ANKRD17: variants seen among roughly 807,000 people sequenced by gnomAD.
The protein encoded by ANKRD17 is ankyrin repeat domain 17.
Under a neutral mutation model 229.7 loss-of-function variants are expected in ANKRD17, and 19 were observed. The ratio of observed to expected loss-of-function variants is 0.08; its 90% CI spans 0.06 to 0.12. ANKRD17 has a LOEUF of 0.12. ANKRD17 is among the 10% of genes least tolerant of loss of function. The probability of loss-of-function intolerance (pLI) is 1.00; values close to 1 mark genes in which losing one functional copy is unlikely to be tolerated. For synonymous variants in ANKRD17, 1,112 were observed against 1,146.1 expected (o/e 0.97, Z 0.60); for missense variants, 2,176 against 3,176.8 (o/e 0.68, Z 7.57).
rs572791363 is a variant in ANKRD17, at chr4:73,246,798, A to C, written c.393+11478T>G. Among the ~76,000 whole-genome samples, 61 of 152,272 alleles carry C rather than the reference A, an allele frequency of 4.0e-4. 1 individual carries two copies. The highest frequency in any genetic ancestry group is 1.3e-3 in the African/African-American group (55 of 41,574). ...GAGGAAGAGAGGATTACATTTTAAG[A>C]AGCAAGAATCAGTCAACTGCTATAA... On this transcript the variant is annotated intron_variant, in intron 1 of 33. Transcript: ENST00000358602.
chr4:73,230,325 T>A (rs1742921679), intron 1 of ANKRD17, among the ~76,000 whole-genome samples: 1 of 151,360 alleles, frequency 6.6e-6, no homozygotes, highest in Non-Finnish European at 1.5e-5. Context: ...AATTAAAGAT[T>A]TTTTTTTTGC....
rs117416719 is a variant in ANKRD17, at chr4:73,206,299, G to A, written c.394-28766C>T. Among the ~76,000 whole-genome samples, 27 of 151,858 alleles carry A rather than the reference G, an allele frequency of 1.8e-4. No individual in the cohort carries two copies. In the East Asian group the frequency reaches 4.3e-3, roughly 24 times the overall value. Reference sequence around the variant, plus strand: ...TATCTGCACTCCCACCCATGTTCACGGCACCATTGTTCACAACCACCAAGA... The same window carrying A: ...TATCTGCACTCCCACCCATGTTCACAGCACCATTGTTCACAACCACCAAGA... On this transcript the variant is annotated intron_variant, in intron 1 of 33. Coordinates refer to ENST00000358602, the MANE Select transcript of ANKRD17 (RefSeq NM_032217.5).
chr4:73,220,798 G>C (rs1741747232), intron 1 of ANKRD17, among the ~76,000 whole-genome samples: 1 of 152,138 alleles, frequency 6.6e-6, no homozygotes, highest in Non-Finnish European at 1.5e-5. Context: ...TTACGGTAAT[G>C]AACTTCAAGT....
intron 19 of ANKRD17, 50 bp downstream of exon 19, chr4:73,121,567 T>C: frequency 6.2e-7 from 1 of 1,605,554 alleles, no homozygotes; most frequent in Non-Finnish European, 8.5e-7. Context: ...TACAAATATC[T>C]ATAACAGTCT....
chr4:73,229,368 C>T (rs1019031904), intron 1 of ANKRD17, among the ~76,000 whole-genome samples: 1 of 152,074 alleles, frequency 6.6e-6, no homozygotes, highest in Non-Finnish European at 1.5e-5. Context: ...AGTGAGACTG[C>T]CTGCTTCCCT....
intron 33 of ANKRD17, 101 bp from the exon 34 acceptor site, chr4:73,076,391 T>C: frequency 1.2e-6 from 1 of 828,078 alleles, no homozygotes; most frequent in East Asian, 3.2e-5. Context: ...CAATTTGCAA[T>C]ATACTAGGAA....
At chr4:73,232,551 T>C (rs1311965249) in intron 1 of ANKRD17, among the ~76,000 whole-genome samples, 3 of 152,188 alleles carry the variant, frequency 2.0e-5, no homozygotes, top group African/African-American at 7.2e-5. Context: ...GCATCTTACA[T>C]TAAAAGAGTC....
Position 73,082,433 on chromosome 4 carries a change from A to C in ANKRD17, c.7159+2816T>G, listed in dbSNP as rs949245059. Among the ~76,000 whole-genome samples the C allele has an allele frequency of 8.5e-5, 13 of 152,328 alleles. No homozygotes were observed. In the East Asian group the frequency reaches 2.5e-3, roughly 29 times the overall value. ...AGCCTAGGAGTTTGATTGAGGCTGC[A>C]GTAAGCTATGGTCACACACTGCTGC... On this transcript the variant is annotated intron_variant, in intron 30 of 33. Transcript: ENST00000358602.
intron 1 of ANKRD17, among the ~76,000 whole-genome samples, chr4:73,219,586 T>C (rs1218482983): frequency 6.6e-6 from 1 of 152,174 alleles, no homozygotes; most frequent in Non-Finnish European, 1.5e-5. Context: ...TAAACCTACT[T>C]ACTTTGCTTA....
At chr4:73,249,401 G>C (rs755604457) in intron 1 of ANKRD17, among the ~76,000 whole-genome samples, 2 of 152,162 alleles carry the variant, frequency 1.3e-5, no homozygotes, top group African/African-American at 4.8e-5. Flanking sequence ...CCATAAAGCA[G>C]TTCCATAAAT....
chr4:73,229,745 C>T (rs984067771), intron 1 of ANKRD17, among the ~76,000 whole-genome samples: 1 of 151,814 alleles, frequency 6.6e-6, no homozygotes, highest in African/African-American at 2.4e-5. Context: ...ATACAAATTC[C>T]CCCCAATATT....
intron 18 of ANKRD17, among the ~76,000 whole-genome samples, chr4:73,124,187 A>T (rs934147694): frequency 6.6e-6 from 1 of 151,898 alleles, no homozygotes; most frequent in Non-Finnish European, 1.5e-5. Context: ...GAATGACCTA[A>T]GGTGCTTTCC....
intron 21 of ANKRD17, 86 bp from the exon 22 acceptor site, chr4:73,118,936 G>C: frequency 4.3e-6 from 6 of 1,391,362 alleles, no homozygotes; most frequent in Non-Finnish European, 5.8e-6. Flanking sequence ...ACACAGGCTG[G>C]AGTGCAGTGG....
intron 1 of ANKRD17, among the ~76,000 whole-genome samples, chr4:73,178,119 A>T (rs1298423979): frequency 1.3e-5 from 2 of 152,200 alleles, no homozygotes; most frequent in Admixed American, 1.3e-4. Flanking sequence ...TCAAAGCTTA[A>T]CTTTATCATT....
chr4:73,225,103 G>C (rs919712814), intron 1 of ANKRD17, among the ~76,000 whole-genome samples: 1 of 152,172 alleles, frequency 6.6e-6, no homozygotes, highest in Admixed American at 6.5e-5. Context: ...ACATTGTTGA[G>C]ACCTGGCTTA....
intron 1 of ANKRD17, among the ~76,000 whole-genome samples, chr4:73,227,912 G>C (rs1056276752): frequency 5.3e-5 from 8 of 152,034 alleles, no homozygotes; most frequent in Non-Finnish European, 8.8e-5. Flanking sequence ...AAAACTCCTT[G>C]TAAAGGAGTT....
chr4:73,243,774 T>C (rs570824110), intron 1 of ANKRD17, among the ~76,000 whole-genome samples: 1 of 152,230 alleles, frequency 6.6e-6, no homozygotes, highest in Non-Finnish European at 1.5e-5. Context: ...GTCTTAGATA[T>C]GGCTGCGTAA....
intron 20 of ANKRD17, among the ~76,000 whole-genome samples, chr4:73,120,666 T>C (rs1726610254): frequency 6.6e-6 from 1 of 152,020 alleles, no homozygotes; most frequent in African/African-American, 2.4e-5. Flanking sequence ...TTTCAGCTGA[T>C]AATCCTACTG....
At chr4:73,136,980 G>GTT (rs33966935) in intron 15 of ANKRD17, among the ~76,000 whole-genome samples, 9,293 of 131,116 alleles carry the variant, frequency 0.071, 406 homozygotes, top group African/African-American at 0.12. Flanking sequence ...AAATTACAGA[G>GTT]TTTTTTTTTT....
Sources: gnomAD v4.1 joint callset for allele counts (sites outside exome capture counted in the v4.1 genomes callset) on GRCh38, gnomAD v4.1.1 for gene constraint, MANE v1.5 for transcripts, NCBI Gene and HGNC (gene_info 2026-07-23, HGNC 2026-07-21) for gene names.